The following EDN1 variants were observed in gnomAD, a reference collection of about 807,000 sequenced individuals.
The protein encoded by EDN1 is endothelin-1.
A neutral mutation model predicts 21.7 loss-of-function variants in EDN1; 11 were observed. That is an observed-to-expected ratio of 0.51 (90% CI 0.32 to 0.84). The LOEUF is 0.84. EDN1 is among the 40% of genes least tolerant of loss of function. The probability of loss-of-function intolerance (pLI) is 0.03; values close to 1 mark genes in which losing one functional copy is unlikely to be tolerated. For synonymous variants in EDN1, 85 were observed against 90.6 expected, an observed-to-expected ratio of 0.94 and a Z score of 0.35; for missense variants, 244 against 262.3, an observed-to-expected ratio of 0.93 and a Z score of 0.48.
the EDN1 span, among the ~76,000 whole-genome samples, chr6:12,275,909 TC>T: frequency 6.6e-6 from 1 of 151,968 alleles, no homozygotes; most frequent in Non-Finnish European, 1.5e-5. Context: ...ACGCCTGTAA[TC>T]CCAGCACTTT....
chr6:12,272,078 G>A, the EDN1 span, among the ~76,000 whole-genome samples: 4 of 152,164 alleles, frequency 2.6e-5, no homozygotes, highest in Non-Finnish European at 4.4e-5. Flanking sequence ...ATACATAGTT[G>A]GAGAACAGAA....
the EDN1 span, among the ~76,000 whole-genome samples, chr6:12,233,590 G>A: frequency 1.3e-5 from 2 of 152,142 alleles, no homozygotes; most frequent in East Asian, 1.9e-4. Flanking sequence ...TAATACAGAT[G>A]TTATTATACA....
the EDN1 span, among the ~76,000 whole-genome samples, chr6:12,268,241 C>T: frequency 6.6e-6 from 1 of 152,170 alleles, no homozygotes; most frequent in Non-Finnish European, 1.5e-5. Context: ...AATGCCATAG[C>T]TTCCATAGAC....
the EDN1 span, among the ~76,000 whole-genome samples, chr6:12,238,015 C>CA: frequency 6.6e-6 from 1 of 151,850 alleles, no homozygotes; most frequent in Non-Finnish European, 1.5e-5. Flanking sequence ...ACTAAAAACA[C>CA]AAAAAATATT....
the EDN1 span, among the ~76,000 whole-genome samples, chr6:12,232,725 G>A: frequency 6.6e-6 from 1 of 152,136 alleles, no homozygotes; most frequent in Non-Finnish European, 1.5e-5. Flanking sequence ...TAGACTAAAG[G>A]AAAATGTTGC....
the EDN1 span, among the ~76,000 whole-genome samples, chr6:12,258,535 A>C: frequency 6.6e-6 from 1 of 151,798 alleles, no homozygotes; most frequent in Non-Finnish European, 1.5e-5. Context: ...TCATCAAAGG[A>C]TTTATTTAAA....
chr6:12,238,629 G>A, the EDN1 span, among the ~76,000 whole-genome samples: 491 of 152,372 alleles, frequency 3.2e-3, 3 homozygotes, highest in African/African-American at 0.011. Flanking sequence ...TGATGCAGCT[G>A]TGGTTGAAGC....
chr6:12,287,439 T>A (rs944948141), upstream of EDN1, among the ~76,000 whole-genome samples: 1 of 152,062 alleles, frequency 6.6e-6, no homozygotes, highest in African/African-American at 2.4e-5. Context: ...GGGGTTCTCC[T>A]TCTCCCCTCA....
chr6:12,270,076 G>A, the EDN1 span, among the ~76,000 whole-genome samples: 772 of 151,894 alleles, frequency 5.1e-3, 8 homozygotes, highest in African/African-American at 0.018. Context: ...TCTAGATTTA[G>A]CTTTTCATAA....
the EDN1 span, among the ~76,000 whole-genome samples, chr6:12,265,793 C>T: frequency 6.6e-6 from 1 of 152,060 alleles, no homozygotes; most frequent in Non-Finnish European, 1.5e-5. Flanking sequence ...TTTTACCAGT[C>T]CTAAATGACT....
At chr6:12,295,190 C>T (rs141949951) in intron 4 of EDN1, among the ~76,000 whole-genome samples, 14 of 152,262 alleles carry the variant, frequency 9.2e-5, no homozygotes, top group African/African-American at 2.4e-4. Context: ...GGAAACTTCT[C>T]TTAGAAATCC....
At chr6:12,237,070 G>A in the EDN1 span, among the ~76,000 whole-genome samples, 1 of 148,102 alleles carries the variant, frequency 6.8e-6, no homozygotes, top group Non-Finnish European at 1.5e-5. Flanking sequence ...GTGAGAACAT[G>A]CGGTGGTGTT....
upstream of EDN1, among the ~76,000 whole-genome samples, chr6:12,288,813 A>C (rs918088398): frequency 6.6e-6 from 1 of 152,178 alleles, no homozygotes; most frequent in African/African-American, 2.4e-5. Context: ...GTTTCCCAGC[A>C]TGTGTGTTGT....
chr6:12,241,138 C>T, the EDN1 span, among the ~76,000 whole-genome samples: 2 of 150,814 alleles, frequency 1.3e-5, no homozygotes, highest in Admixed American at 1.3e-4. Flanking sequence ...CCTTAGGATG[C>T]ACTTTTTTTT....
chr6:12,293,556 C>T (rs1762743211), intron 2 of EDN1, among the ~76,000 whole-genome samples: 1 of 152,148 alleles, frequency 6.6e-6, no homozygotes, highest in South Asian at 2.1e-4. Flanking sequence ...GCATTGAAAC[C>T]TCTTCCCACT....
the EDN1 span, among the ~76,000 whole-genome samples, chr6:12,234,489 T>C: frequency 6.6e-6 from 1 of 152,218 alleles, no homozygotes; most frequent in South Asian, 2.1e-4. Context: ...ACTTCAACTT[T>C]TAAGTGAGGA....
At chr6:12,251,334 A>G in the EDN1 span, among the ~76,000 whole-genome samples, 1 of 152,240 alleles carries the variant, frequency 6.6e-6, no homozygotes, top group Admixed American at 6.5e-5. Context: ...CTAAAAATCA[A>G]TAAAGCAAGT....
chr6:12,244,054 A>G, the EDN1 span, among the ~76,000 whole-genome samples: 2 of 152,102 alleles, frequency 1.3e-5, no homozygotes, highest in Admixed American at 6.5e-5. Context: ...TTATCCTCTA[A>G]AAAGTATTGA....
the EDN1 span, among the ~76,000 whole-genome samples, chr6:12,281,952 T>G: frequency 6.6e-6 from 1 of 152,114 alleles, no homozygotes; most frequent in South Asian, 2.1e-4. Flanking sequence ...ATAGATTAGA[T>G]TAAAAAAAAT....
Sources: allele counts gnomAD v4.1 joint callset (sites outside exome capture counted in the v4.1 genomes callset), GRCh38; gene constraint gnomAD v4.1.1; transcripts MANE v1.5; gene names NCBI Gene and HGNC (gene_info 2026-07-23, HGNC 2026-07-21).